FAT4: variants seen among roughly 807,000 people sequenced by gnomAD.
FAT4 encodes protocadherin Fat 4.
A neutral mutation model predicts 303.9 loss-of-function variants in FAT4; 84 were observed. That is an observed-to-expected ratio of 0.28 (90% CI 0.23 to 0.33). FAT4 has a LOEUF of 0.33. FAT4 is among the 10% of genes least tolerant of loss of function. The pLI is 1.00. For synonymous variants in FAT4, 2,307 were observed against 2,298.8 expected (o/e 1.00, Z -0.10); for missense variants, 6,005 against 6,146.8 (o/e 0.98, Z 0.77).
chr4:125,341,454 GTCT>G lies in FAT4; in HGVS notation c.5175+19873_5175+19875del, dbSNP rs1731791608. Among the ~76,000 whole-genome samples the G allele has an allele frequency of 4.6e-5, 7 of 151,984 alleles. No individual in the cohort carries two copies. In the South Asian group the frequency reaches 1.5e-3, roughly 31 times the overall value. ...ACCTCAAGTGTTTCTTATTTCTGAA[GTCT>G]TCTTAGTAGTGAAATGATGAGGGGT... is the stretch of plus-strand genomic sequence containing the variant. On this transcript the variant is annotated intron_variant, in intron 2 of 17. Coordinates refer to ENST00000394329, the MANE Select transcript of FAT4 (RefSeq NM_001291303.3).
In FAT4 at chr4:125,320,390, A is replaced by T. The variant is rs1730884986; in HGVS notation, c.3979A>T (p.Asn1327Tyr). 1 of 1,614,130 alleles carries T rather than the reference A, an allele frequency of 6.2e-7. No homozygotes were observed. Among genetic ancestry groups the T allele is most frequent in the Non-Finnish European group, 8.5e-7 (1 of 1,180,000 alleles). ...AACACTCTTTGTTGATGTTTTGGAA[A>T]ACATGAGAATTGGTGAACTCGTGTC... ...KSTLFVDVLE[N>Y]MRIGELVSSV... Residue 1327 changes from asparagine to tyrosine, a missense_variant, in exon 2 of 18, where the codon AAC (asparagine) becomes TAC (tyrosine). Physicochemically the swap from Asn to Tyr is moderately radical, Grantham distance 143. Coordinates refer to ENST00000394329, the MANE Select transcript of FAT4 (RefSeq NM_001291303.3).
chr4:125,451,722 C>A lies in FAT4; in HGVS notation c.10712C>A (p.Thr3571Asn), dbSNP rs1169111419. The A allele has an allele frequency of 6.2e-7, 1 of 1,614,148 alleles. No homozygotes were observed. Among genetic ancestry groups the A allele is most frequent in the South Asian group, 1.1e-5 (1 of 91,080 alleles). The change falls in exon 10 of 18, where the codon ACC becomes AAC. Residue 3571 changes from threonine (T) to asparagine (N), a missense_variant. Physicochemically the swap from Thr to Asn is moderately conservative, Grantham distance 65 (BLOSUM62 0). Transcript: ENST00000394329. ...AGCACTGCTGGAGTTCTGAGCACAA[C>A]CAGAGAGATTGACAGAGAGCAGATT... ...SLSTAGVLST[T>N]REIDREQIAD... is the part of the protein sequence containing the mutation.
rs537192631 is a variant in FAT4, at chr4:125,384,519, AT to A, written c.5176-14263del. Among the ~76,000 whole-genome samples the A allele has an allele frequency of 4.0e-3, 613 of 152,096 alleles. 6 individuals are homozygous for A. The highest frequency in any genetic ancestry group is 0.014 in the African/African-American group (582 of 41,472). ...TTAAATTGGGTTATTTATTTTTATT[AT>A]TGAATTGTATTAGTTCTTTATATAT... is the stretch of plus-strand genomic sequence containing the variant. On this transcript the variant is annotated intron_variant, in intron 2 of 17. Transcript: ENST00000394329.
chr4:125,378,302 G>A (rs974303095), intron 2 of FAT4, among the ~76,000 whole-genome samples: 1 of 152,026 alleles, frequency 6.6e-6, no homozygotes, highest in South Asian at 2.1e-4. Flanking sequence ...TACGTGGTTG[G>A]TTTTGTTCAT....
Position 125,362,557 on chromosome 4 carries a change from G to T in FAT4, c.5176-36227G>T, listed in dbSNP as rs368149122. ...TGGGTAGAGGAATTATTCAGTTTAGGATCTGGTCTAGAGATATACAGATTT... is the reference window on the plus strand; with the variant it reads ...TGGGTAGAGGAATTATTCAGTTTAGTATCTGGTCTAGAGATATACAGATTT... On this transcript the variant is annotated intron_variant, in intron 2 of 17. Transcript: ENST00000394329. Among the ~76,000 whole-genome samples, 13 of 152,186 alleles carry T rather than the reference G, an allele frequency of 8.5e-5. No homozygotes were observed. The East Asian group carries it at 1.7e-3, about 20-fold the overall frequency.
At chr4:125,393,201 T>C (rs1253370791) in intron 2 of FAT4, among the ~76,000 whole-genome samples, 1 of 152,160 alleles carries the variant, frequency 6.6e-6, no homozygotes, top group African/African-American at 2.4e-5. Context: ...AAAATATGTT[T>C]AGATTTTTTC....
rs868841351 is a variant in FAT4 at position 125,449,421 on chromosome 4, G to A, written c.8411G>A (p.Gly2804Glu). The A allele has an allele frequency of 6.2e-7, 1 of 1,613,690 alleles. No individual in the cohort carries two copies. The highest frequency in any genetic ancestry group is 1.3e-5 in the African/African-American group (1 of 75,002). The change falls in exon 10 of 18, where the codon GGG (glycine) becomes GAG (glutamate). Residue 2804 changes from glycine to glutamate, a missense_variant. Coordinates refer to ENST00000394329, the MANE Select transcript of FAT4 (RefSeq NM_001291303.3). ...TRVTTSDEDI[G>E]INAISRYSIM... ...GTCACAACTTCTGATGAAGACATTG[G>A]GATCAATGCAATTAGTAGATATTCT...
In FAT4 at chr4:125,448,519, G is replaced by A; in HGVS notation, c.7509G>A (p.Leu2503=). The part of the protein sequence containing the change: ...TDADIGPNSE[L]HYSLSGRNSE... ...CTGATATTGGACCAAATTCTGAACT[G>A]CATTATTCTCTTTCGGGTAGAAATT... is the stretch of plus-strand genomic sequence containing the variant. Residue 2503 remains leucine (L), a synonymous_variant, in exon 10 of 18, where the codon CTG becomes CTA. Transcript: ENST00000394329. 1 of 1,613,728 alleles carries A rather than the reference G, an allele frequency of 6.2e-7. No homozygotes were observed. The highest frequency in any genetic ancestry group is 8.5e-7 in the Non-Finnish European group (1 of 1,179,782).
intron 7 of FAT4, among the ~76,000 whole-genome samples, chr4:125,421,232 C>T (rs535603172): frequency 1.3e-5 from 2 of 152,194 alleles, no homozygotes; most frequent in South Asian, 2.1e-4. Context: ...TTTCACCATT[C>T]GACAATTCTT....
intron 2 of FAT4, among the ~76,000 whole-genome samples, chr4:125,351,473 C>T (rs1316632837): frequency 2.6e-5 from 4 of 151,740 alleles, no homozygotes; most frequent in African/African-American, 4.8e-5. Flanking sequence ...CCTCTGCTGT[C>T]TCTTAAGAAA....
chr4:125,327,162 A>G (rs909910228), intron 2 of FAT4, among the ~76,000 whole-genome samples: 1 of 152,246 alleles, frequency 6.6e-6, no homozygotes, highest in Non-Finnish European at 1.5e-5. Flanking sequence ...CCTAAATTGA[A>G]TTAGGAAGAC....
rs754475659 is a variant in FAT4 at position 125,318,280 on chromosome 4, A to G, written c.1869A>G (p.Gln623=). 1.9e-6 allele frequency: 3 copies of G among 1,614,218 alleles called. No individual in the cohort carries two copies. The highest frequency in any genetic ancestry group is 2.5e-6 in the Non-Finnish European group (3 of 1,180,048). Residue 623 remains glutamine, a synonymous_variant, in exon 2 of 18, where the codon CAA becomes CAG. Transcript: ENST00000394329. ...ACGGAACAGTGCGCTTCTCCTTACA[A>G]GAGGCAGAGACTGACCGGAGGTCCT... ...GDNGTVRFSL[Q]EAETDRRSFR...
intron 7 of FAT4, among the ~76,000 whole-genome samples, chr4:125,428,933 CTT>C (rs1042501490): frequency 1.3e-5 from 2 of 152,136 alleles, no homozygotes; most frequent in Admixed American, 6.5e-5. Context: ...TATCCTGCCT[CTT>C]TGTGATTGCA....
At chr4:125,406,746 C>T (rs997122384) in intron 3 of FAT4, 134 bp from the exon 4 acceptor site, 8 of 895,386 alleles carry the variant, frequency 8.9e-6, no homozygotes, top group Non-Finnish European at 1.4e-5. Flanking sequence ...CTCTCATTAC[C>T]TGTTTAAGTC....
intron 7 of FAT4, among the ~76,000 whole-genome samples, chr4:125,423,848 A>G (rs1724992277): frequency 1.3e-5 from 2 of 152,200 alleles, no homozygotes. Context: ...AAGGAGATCA[A>G]TTTGGAGCTT....
At position 125,342,312 on chromosome 4, in the gene FAT4, A is replaced by G. The variant is rs369540828; in HGVS notation, c.5175+20726A>G. 9.9e-5 allele frequency among the ~76,000 whole-genome samples: 15 copies of G among 152,194 alleles called. No homozygotes were observed. In the East Asian group the frequency reaches 2.7e-3, roughly 27 times the overall value. ...GTCTTATCAATAAGAAGTAGTTTAAATAAACATTTTTGAAAGTAAAATTTT... is the reference window on the plus strand; with the variant it reads ...GTCTTATCAATAAGAAGTAGTTTAAGTAAACATTTTTGAAAGTAAAATTTT... On this transcript the variant is annotated intron_variant, in intron 2 of 17. Transcript: ENST00000394329.
intron 2 of FAT4, among the ~76,000 whole-genome samples, chr4:125,356,091 A>T (rs552030013): frequency 6.6e-6 from 1 of 152,116 alleles, no homozygotes; most frequent in East Asian, 1.9e-4. Flanking sequence ...ATCACTTTGA[A>T]TGATTTCAAA....
At chr4:125,403,051 G>C (rs1509302) in intron 3 of FAT4, among the ~76,000 whole-genome samples, 3 of 152,062 alleles carry the variant, frequency 2.0e-5, no homozygotes, top group African/African-American at 7.2e-5. Context: ...ATTTGCAGAA[G>C]TCTAAGTCAT....
chr4:125,418,428 G>C (rs1045309594), intron 7 of FAT4, among the ~76,000 whole-genome samples: 1 of 152,058 alleles, frequency 6.6e-6, no homozygotes, highest in Admixed American at 6.6e-5. Context: ...TTTATTTACT[G>C]ACTGCATGGT....
Sources: allele counts gnomAD v4.1 joint callset (sites outside exome capture counted in the v4.1 genomes callset), GRCh38; gene constraint gnomAD v4.1.1; transcripts MANE v1.5; gene names NCBI Gene and HGNC (gene_info 2026-07-23, HGNC 2026-07-21).